Variants in NUP93 observed in about 807,000 individuals in gnomAD.
The protein encoded by NUP93 is nuclear pore complex protein Nup93.
A neutral mutation model predicts 107.8 loss-of-function variants in NUP93; 55 were observed. That is an observed-to-expected ratio of 0.51 (90% CI 0.41 to 0.64). NUP93 has a LOEUF of 0.64. Among genes scored for constraint, NUP93 ranks in the 30% least tolerant of loss-of-function variants. NUP93 has a pLI of 0.00. For synonymous variants in NUP93, 390 were observed against 397.5 expected (o/e 0.98, Z 0.22); for missense variants, 937 against 1,044.7 (o/e 0.90, Z 1.42).
intron 3 of NUP93, among the ~76,000 whole-genome samples, chr16:56,796,990 C>T (rs1456528256): frequency 4.7e-5 from 7 of 150,156 alleles, no homozygotes; most frequent in East Asian, 4.0e-4. Context: ...AGCAAAAACA[C>T]GAGGCTGGGT....
chr16:56,823,287 T>C (rs1310773542), intron 7 of NUP93, among the ~76,000 whole-genome samples: 1 of 152,218 alleles, frequency 6.6e-6, no homozygotes, highest in Non-Finnish European at 1.5e-5. Flanking sequence ...TTTAAGCCTT[T>C]AGAAACTCAG....
intron 8 of NUP93, among the ~76,000 whole-genome samples, chr16:56,827,140 G>A (rs1436300391): frequency 6.7e-6 from 1 of 149,758 alleles, no homozygotes; most frequent in African/African-American, 2.5e-5. Flanking sequence ...ATTTAACCTG[G>A]TGTTGAACAC....
intron 3 of NUP93, among the ~76,000 whole-genome samples, chr16:56,764,681 G>T (rs1057055481): frequency 4.6e-5 from 7 of 152,208 alleles, no homozygotes; most frequent in African/African-American, 1.7e-4. Context: ...TTGGGAACAG[G>T]TTGCGGAAAT....
intron 4 of NUP93, among the ~76,000 whole-genome samples, chr16:56,802,003 A>G (rs1596815500): frequency 6.6e-6 from 1 of 151,844 alleles, no homozygotes; most frequent in Non-Finnish European, 1.5e-5. Context: ...TGCCTTTGCT[A>G]CTCTGCCACT....
intron 3 of NUP93, among the ~76,000 whole-genome samples, chr16:56,762,502 ATT>A (rs1225785778): frequency 2.0e-5 from 3 of 152,250 alleles, no homozygotes; most frequent in Admixed American, 2.0e-4. Context: ...CTGATTGCCG[ATT>A]TGATCATTAC....
At chr16:56,813,973 T>C (rs1437692065) in intron 5 of NUP93, among the ~76,000 whole-genome samples, 4 of 152,194 alleles carry the variant, frequency 2.6e-5, no homozygotes, top group Non-Finnish European at 5.9e-5. Context: ...CTCTGGTCCC[T>C]GGTTGGTGTT....
At chr16:56,805,267 C>T (rs1314875500) in intron 4 of NUP93, among the ~76,000 whole-genome samples, 2 of 152,152 alleles carry the variant, frequency 1.3e-5, no homozygotes, top group Non-Finnish European at 2.9e-5. Context: ...AAGCTGCTCT[C>T]GAACACCTGG....
chr16:56,795,986 T>A (rs1304941207), intron 3 of NUP93, among the ~76,000 whole-genome samples: 2 of 152,168 alleles, frequency 1.3e-5, no homozygotes, highest in Non-Finnish European at 2.9e-5. Context: ...GGGCTGCTGG[T>A]CATTGTTCCT....
chr16:56,764,319 G>T lies in NUP93; in HGVS notation c.297+5664G>T, dbSNP rs190162290. ...CAGCCTAGTCAACATGGTGAAACCCGTCTCTACTAAAAATACAAAAATTAG... is the reference window on the plus strand; with the variant it reads ...CAGCCTAGTCAACATGGTGAAACCCTTCTCTACTAAAAATACAAAAATTAG... On this transcript the variant is annotated intron_variant, in intron 3 of 21. Transcript: ENST00000308159. 2.0e-5 allele frequency among the ~76,000 whole-genome samples: 3 copies of T among 152,080 alleles called. No individual in the cohort carries two copies. In the East Asian group the frequency reaches 5.8e-4, roughly 29 times the overall value.
Position 56,778,450 on chromosome 16 carries a change from CT to C in NUP93, c.297+19797del, listed in dbSNP as rs548029449. On this transcript the variant is annotated intron_variant, in intron 3 of 21. Coordinates refer to ENST00000308159, the MANE Select transcript of NUP93 (RefSeq NM_014669.5). ...AGAAAGGAGGGAGGGCATGGCAGTACTTATGGAAGTTGGTTTGGCCAGTGGA... is the reference window on the plus strand; with the variant it reads ...AGAAAGGAGGGAGGGCATGGCAGTACTATGGAAGTTGGTTTGGCCAGTGGA... 3.9e-5 allele frequency among the ~76,000 whole-genome samples: 6 copies of C among 152,190 alleles called. No homozygotes were observed. The South Asian group carries it at 1.2e-3, about 32-fold the overall frequency.
rs570069154 is a variant in NUP93 at position 56,758,644 on chromosome 16, A to G, written c.286A>G (p.Thr96Ala). The change falls in exon 3 of 22, where the codon ACT becomes GCT. Residue 96 changes from threonine to alanine, a missense_variant. Transcript: ENST00000308159. ...TFEPLEPVKD[T>A]DIQGFLKNEK... Reference sequence around the variant, plus strand: ...TGAGCCTCTTGAGCCTGTGAAGGACACTGACATTCAGGTAAGGGCTGCCAA... The same window carrying G: ...TGAGCCTCTTGAGCCTGTGAAGGACGCTGACATTCAGGTAAGGGCTGCCAA... The G allele has an allele frequency of 3.7e-6, 6 of 1,613,340 alleles. No individual in the cohort carries two copies. In the African/African-American group the frequency reaches 4.0e-5, roughly 11 times the overall value.
chr16:56,783,964 A>T, intron 3 of NUP93: 4 of 850,496 alleles, frequency 4.7e-6, no homozygotes, highest in Non-Finnish European at 5.7e-6. Flanking sequence ...AACGCTGCAA[A>T]TATGAAAAGT....
intron 1 of NUP93, among the ~76,000 whole-genome samples, chr16:56,745,965 A>G (rs1961813919): frequency 6.6e-6 from 1 of 152,218 alleles, no homozygotes; most frequent in Non-Finnish European, 1.5e-5. Context: ...TGTCTGACGT[A>G]GGAATGAAAT....
At chr16:56,798,119 G>A (rs901974954) in intron 3 of NUP93, among the ~76,000 whole-genome samples, 1 of 152,194 alleles carries the variant, frequency 6.6e-6, no homozygotes, top group Non-Finnish European at 1.5e-5. Context: ...ATAGACTAAG[G>A]AACAGTTAGA....
chr16:56,815,899 G>GTGCTGCTGCTGCTGCTGCTGCTGGTGC (rs61260945), intron 5 of NUP93, among the ~76,000 whole-genome samples: 1 of 95,982 alleles, frequency 1.0e-5, no homozygotes. Context: ...GCTGCTGCTG[G>GTGCTGCTGCTGCTGCTGCTGCTGGTGC]TGCTGCTGCT....
At chr16:56,789,106 GGCC>G (rs1288213010) in intron 3 of NUP93, among the ~76,000 whole-genome samples, 1 of 152,068 alleles carries the variant, frequency 6.6e-6, no homozygotes, top group African/African-American at 2.4e-5. Flanking sequence ...GTGTCTCTAA[GGCC>G]TGTGGCTTTC....
At chr16:56,798,610 G>A in intron 4 of NUP93, 72 bp downstream of exon 4, 1 of 1,238,730 alleles carries the variant, frequency 8.1e-7, no homozygotes, top group East Asian at 2.4e-5. Flanking sequence ...GCTCACATCT[G>A]TAATCCTAAC....
At chr16:56,771,659 G>A (rs556699727) in intron 3 of NUP93, among the ~76,000 whole-genome samples, 2 of 152,284 alleles carry the variant, frequency 1.3e-5, no homozygotes, top group African/African-American at 4.8e-5. Context: ...TGGCGTGATT[G>A]GCTTCTGTGG....
At chr16:56,842,570 TGAG>T in intron 21 of NUP93, 6 of 433,372 alleles carry the variant, frequency 1.4e-5, no homozygotes, top group Admixed American at 7.6e-5. Context: ...TTTTTTTTTT[TGAG>T]GCAGGGCCTG....
Sources: gnomAD v4.1 joint callset for allele counts (sites outside exome capture counted in the v4.1 genomes callset) on GRCh38, gnomAD v4.1.1 for gene constraint, MANE v1.5 for transcripts, NCBI Gene and HGNC (gene_info 2026-07-23, HGNC 2026-07-21) for gene names.